The following CNOT1 variants were observed in gnomAD, a reference collection of about 807,000 sequenced individuals.
CNOT1 encodes the protein CCR4-NOT transcription complex subunit 1, also known as CCR4-associated factor 1.
Under a neutral mutation model 273.8 loss-of-function variants are expected in CNOT1, and 15 were observed. That is an observed-to-expected ratio of 0.05 (90% CI 0.04 to 0.08). CNOT1 has a LOEUF of 0.08. Among genes scored for constraint, CNOT1 ranks in the 10% least tolerant of loss-of-function variants. CNOT1 has a pLI of 1.00. For missense variants in CNOT1, 1,644 were observed against 2,912.2 expected (o/e 0.56, Z 10.02); for synonymous variants, 1,022 against 1,005.5 (o/e 1.02, Z -0.31).
At chr16:58,539,709 C>A in intron 35 of CNOT1, 59 bp downstream of exon 35, 2 of 1,458,344 alleles carry the variant, frequency 1.4e-6, no homozygotes, top group South Asian at 1.4e-5. Context: ...GATGGTGGTG[C>A]AGGTCAATAA....
intron 35 of CNOT1, 67 bp from the exon 36 acceptor site, chr16:58,538,981 A>G: frequency 6.4e-7 from 1 of 1,567,314 alleles, no homozygotes; most frequent in Non-Finnish European, 8.7e-7. Context: ...TCACAGCCAG[A>G]AACCAAATCT....
chr16:58,534,137 G>A lies in CNOT1; in HGVS notation c.5895+10C>T. On this transcript the variant is annotated intron_variant, in intron 40 of 48. Coordinates refer to ENST00000317147, the MANE Select transcript of CNOT1 (RefSeq NM_016284.5). Reference sequence around the variant, plus strand: ...GTAGACCAAGACTAAGGCAAGAAAGGATTTCAGACCTTGTTCAGCAGATTA... The same window carrying A: ...GTAGACCAAGACTAAGGCAAGAAAGAATTTCAGACCTTGTTCAGCAGATTA... The A allele has an allele frequency of 6.2e-7, 1 of 1,612,428 alleles. No individual in the cohort carries two copies. The highest frequency in any genetic ancestry group is 1.1e-5 in the South Asian group (1 of 90,990).
chr16:58,523,317 A>T, intron 47 of CNOT1, 53 bp downstream of exon 47: 3 of 1,472,036 alleles, frequency 2.0e-6, no homozygotes, highest in Non-Finnish European at 2.7e-6. Flanking sequence ...AAAAAAAAAG[A>T]TGAAAGGGAG....
At chr16:58,562,570 T>A (rs1415168492) in intron 16 of CNOT1, among the ~76,000 whole-genome samples, 2 of 151,110 alleles carry the variant, frequency 1.3e-5, no homozygotes, top group African/African-American at 4.9e-5. Flanking sequence ...ACACCTGTAA[T>A]CCCAGCACTT....
intron 2 of CNOT1, among the ~76,000 whole-genome samples, chr16:58,594,267 AAAC>A (rs754231338): frequency 1.3e-5 from 2 of 152,070 alleles, no homozygotes; most frequent in Non-Finnish European, 2.9e-5. Context: ...CAAAAACAAA[AAAC>A]AAAAAAAGAA....
At position 58,539,832 on chromosome 16, in the gene CNOT1, A is replaced by G; in HGVS notation, c.4928T>C (p.Leu1643Ser). Residue 1643 changes from leucine (L) to serine (S), a missense_variant, in exon 35 of 49, where the codon TTG becomes TCG. Leu to Ser is a moderately radical substitution (Grantham distance 145). Around this residue, in one of 13 missense-constraint regions of CNOT1, gnomAD observed 170 missense variants for 273.1 expected, o/e 0.62. Coordinates refer to ENST00000317147, the MANE Select transcript of CNOT1 (RefSeq NM_016284.5). ...NPQAQALRSL[L>S]EVVVLSRNSR... is the part of the protein sequence containing the mutation. ...GTTTCGAGATAAAACTACAACCTCCAAGAGACTTCGAAGAGCCTGAGCTTG... is the reference window on the plus strand; with the variant it reads ...GTTTCGAGATAAAACTACAACCTCCGAGAGACTTCGAAGAGCCTGAGCTTG... 2 of 1,614,194 alleles carry G rather than the reference A, an allele frequency of 1.2e-6. No individual in the cohort carries two copies. The highest frequency in any genetic ancestry group is 1.7e-6 in the Non-Finnish European group (2 of 1,180,030).
chr16:58,622,400 T>C (rs1175496221), intron 1 of CNOT1, among the ~76,000 whole-genome samples: 2 of 119,948 alleles, frequency 1.7e-5, no homozygotes, highest in Non-Finnish European at 3.3e-5. Flanking sequence ...CAGGAGATAA[T>C]ACAGGAAACC....
chr16:58,540,980 C>T (rs965246971), intron 34 of CNOT1, among the ~76,000 whole-genome samples: 3 of 152,056 alleles, frequency 2.0e-5, no homozygotes, highest in African/African-American at 7.2e-5. Context: ...CCAAGGTAGG[C>T]GATCACTTGA....
intron 47 of CNOT1, among the ~76,000 whole-genome samples, chr16:58,522,739 T>G (rs2039446980): frequency 6.6e-6 from 1 of 152,232 alleles, no homozygotes; most frequent in Admixed American, 6.5e-5. Flanking sequence ...CTGCATGATT[T>G]AGGACTGGTT....
rs1230274043 is a variant in CNOT1 at position 58,547,114 on chromosome 16, T to C, written c.3750+72A>G. On this transcript the variant is annotated intron_variant, in intron 27 of 48. Transcript: ENST00000317147. The surrounding 1 kb of genome is among the most constrained non-coding windows in gnomAD (Gnocchi z 4.0). ...TACCTCACAAGAACTAAGAATATAA[T>C]CTCTTGACCTCATGCTAAAACAAAG... 3 of 1,529,392 alleles carry C rather than the reference T, an allele frequency of 2.0e-6. No individual in the cohort carries two copies. The African/African-American group carries it at 4.2e-5, about 21-fold the overall frequency. 94.7% of individuals were successfully genotyped at this position (1,529,392 alleles called of 1,614,324 possible).
At chr16:58,573,562 G>A (rs930672976) in intron 16 of CNOT1, among the ~76,000 whole-genome samples, 4 of 143,592 alleles carry the variant, frequency 2.8e-5, no homozygotes, top group Non-Finnish European at 4.5e-5. Flanking sequence ...CTCACTACAA[G>A]CTCTGCCTCC....
intron 40 of CNOT1, 33 bp from the exon 41 acceptor site, chr16:58,532,428 A>G (rs373870026): frequency 1.2e-6 from 2 of 1,602,282 alleles, no homozygotes; most frequent in African/African-American, 1.3e-5. Flanking sequence ...CTTGTAAATC[A>G]TTCAGATAAT....
chr16:58,563,719 A>G (rs1192990273), intron 16 of CNOT1, among the ~76,000 whole-genome samples: 1 of 152,234 alleles, frequency 6.6e-6, no homozygotes, highest in Non-Finnish European at 1.5e-5. Flanking sequence ...TCACCATAAT[A>G]ACAGGCACAT....
rs770017454 is a variant in CNOT1 at position 58,549,869 on chromosome 16, T to C, written c.3372A>G (p.Glu1124=). The change falls in exon 25 of 49, where the codon GAA becomes GAG. Residue 1124 remains glutamate (E), a synonymous_variant. Transcript: ENST00000317147. ...ACTGTGAAACCCAAGGCATAAATTCTTCTTTCACCGTTTCCTTTAGCTCTT... is the reference window on the plus strand; with the variant it reads ...ACTGTGAAACCCAAGGCATAAATTCCTCTTTCACCGTTTCCTTTAGCTCTT... ...KVEELKETVK[E]EFMPWVSQYL... is the part of the protein sequence containing the mutation. 3.1e-6 allele frequency: 5 copies of C among 1,614,054 alleles called. No homozygotes were observed. Among genetic ancestry groups the C allele is most frequent in the Non-Finnish European group, 4.2e-6 (5 of 1,179,970 alleles).
chr16:58,628,893 A>T (rs1012977949), intron 1 of CNOT1, among the ~76,000 whole-genome samples: 12 of 152,230 alleles, frequency 7.9e-5, no homozygotes, highest in African/African-American at 2.4e-4. Flanking sequence ...GTGGTACTGA[A>T]AAAGTATTAT....
At chr16:58,581,228 T>C in intron 11 of CNOT1, 117 bp downstream of exon 11, 1 of 1,214,788 alleles carries the variant, frequency 8.2e-7, no homozygotes. Context: ...TGCTTTTCTG[T>C]GCTATGTATA....
chr16:58,542,151 T>G, intron 33 of CNOT1, 80 bp downstream of exon 33: 1 of 1,530,464 alleles, frequency 6.5e-7, no homozygotes, highest in Non-Finnish European at 8.9e-7. Flanking sequence ...CTGTCCTAAT[T>G]CCAGTAAGGA....
chr16:58,618,755 C>T (rs1422489951), intron 1 of CNOT1, among the ~76,000 whole-genome samples: 2 of 152,002 alleles, frequency 1.3e-5, no homozygotes, highest in Non-Finnish European at 2.9e-5. Flanking sequence ...GGCACATTAC[C>T]TGTCTGACAT....
chr16:58,574,771 GA>G lies in CNOT1; in HGVS notation c.1828-12del. 1.3e-6 allele frequency: 2 copies of G among 1,588,412 alleles called. No individual in the cohort carries two copies. Among genetic ancestry groups the G allele is most frequent in the South Asian group, 2.3e-5 (2 of 85,848 alleles). On this transcript the variant is annotated splice_polypyrimidine_tract_variant and intron_variant, in intron 15 of 48. Coordinates refer to ENST00000317147, the MANE Select transcript of CNOT1 (RefSeq NM_016284.5). ...CTGGATAAAAGGCTCCTGAAGAATA[GA>G]AAAGTCTCTCAGTGTATTTAAAATT...
Sources: allele counts gnomAD v4.1 joint callset (sites outside exome capture counted in the v4.1 genomes callset), GRCh38; gene constraint gnomAD v4.1.1; regional missense constraint gnomAD v4.1.1; non-coding constraint Gnocchi (gnomAD v3.1); transcripts MANE v1.5; gene names NCBI Gene and HGNC (gene_info 2026-07-23, HGNC 2026-07-21).